ZNRF1: variants seen among roughly 807,000 people sequenced by gnomAD.
ZNRF1 encodes zinc and ring finger 1.
In ZNRF1, 3 loss-of-function variants were observed where a neutral mutation model predicts 18.4. The ratio of observed to expected loss-of-function variants is 0.16; its 90% CI spans 0.07 to 0.42. The LOEUF is 0.42. Among genes scored for constraint, ZNRF1 ranks in the 10% least tolerant of loss-of-function variants. ZNRF1 has a pLI of 0.99. For missense variants in ZNRF1, 310 were observed against 329.8 expected (o/e 0.94, Z 0.47); for synonymous variants, 157 against 144.2 (o/e 1.09, Z -0.64).
At chr16:75,085,705 G>A (rs1041701884) in intron 1 of ZNRF1, among the ~76,000 whole-genome samples, 3 of 151,844 alleles carry the variant, frequency 2.0e-5, no homozygotes, top group Non-Finnish European at 4.4e-5. Context: ...AACATCTGGT[G>A]TTGCTAGTCC....
At chr16:75,044,723 G>A (rs1318604993) in intron 1 of ZNRF1, among the ~76,000 whole-genome samples, 1 of 152,176 alleles carries the variant, frequency 6.6e-6, no homozygotes, top group Non-Finnish European at 1.5e-5. Flanking sequence ...TCACAAGGCA[G>A]TATGGCCATA....
At chr16:75,091,358 CA>C (rs71158576) in intron 1 of ZNRF1, among the ~76,000 whole-genome samples, 18 of 133,340 alleles carry the variant, frequency 1.3e-4, no homozygotes, top group Middle Eastern at 3.5e-3. Context: ...GACTCCATCT[CA>C]AAAAAAAAAA....
rs1414255885 is a variant in ZNRF1, at chr16:75,110,956, G to C, written c.*3256G>C. The C allele has an allele frequency of 2.0e-5, 3 of 152,336 alleles. No individual in the cohort carries two copies. The highest frequency in any genetic ancestry group is 4.4e-5 in the Non-Finnish European group (3 of 68,152). 9.4% of individuals were successfully genotyped at this position (152,336 alleles called of 1,614,324 possible). On this transcript the variant is annotated 3_prime_UTR_variant, in exon 5 of 5. Transcript: ENST00000335325. ...TTGGCACGGTCTCTGCTCCCCACCA[G>C]GGCAGCACGGGACAGAAACGTCACG...
chr16:75,103,779 G>T (rs1224278019), intron 2 of ZNRF1, among the ~76,000 whole-genome samples: 1 of 152,236 alleles, frequency 6.6e-6, no homozygotes, highest in East Asian at 1.9e-4. Context: ...GAGGTCAGGA[G>T]TTCGAGACCA....
At chr16:75,053,842 G>T (rs2055131858) in intron 1 of ZNRF1, among the ~76,000 whole-genome samples, 1 of 152,198 alleles carries the variant, frequency 6.6e-6, no homozygotes, top group South Asian at 2.1e-4. Flanking sequence ...AGCCTTTAGG[G>T]TATTCCCAGG....
At chr16:75,010,465 A>G (rs2034980350) in intron 1 of ZNRF1, among the ~76,000 whole-genome samples, 1 of 152,198 alleles carries the variant, frequency 6.6e-6, no homozygotes, top group Non-Finnish European at 1.5e-5. Flanking sequence ...TCTCATGCCA[A>G]GAGATTTTAT....
At chr16:75,057,418 A>G (rs1469871462) in intron 1 of ZNRF1, among the ~76,000 whole-genome samples, 1 of 152,152 alleles carries the variant, frequency 6.6e-6, no homozygotes, top group Non-Finnish European at 1.5e-5. Flanking sequence ...AGATTAAGAA[A>G]AGCTCCTTAA....
intron 1 of ZNRF1, among the ~76,000 whole-genome samples, chr16:75,075,968 G>A (rs1168092149): frequency 1.3e-5 from 2 of 152,206 alleles, no homozygotes; most frequent in Non-Finnish European, 2.9e-5. Flanking sequence ...GTTGTGTGAG[G>A]TAGAGAATAG....
intron 1 of ZNRF1, among the ~76,000 whole-genome samples, chr16:75,027,471 CT>C (rs900905975): frequency 6.6e-6 from 1 of 152,146 alleles, no homozygotes; most frequent in South Asian, 2.1e-4. Context: ...GAGTTGCCCC[CT>C]GTGACTCCAT....
intron 1 of ZNRF1, among the ~76,000 whole-genome samples, chr16:75,025,721 G>A (rs1445310181): frequency 6.6e-6 from 1 of 152,178 alleles, no homozygotes; most frequent in African/African-American, 2.4e-5. Context: ...CTGTTCTGAA[G>A]AATCTGAATG....
chr16:75,005,422 T>C (rs1317373695), intron 1 of ZNRF1, among the ~76,000 whole-genome samples: 1 of 152,220 alleles, frequency 6.6e-6, no homozygotes, highest in Non-Finnish European at 1.5e-5. Flanking sequence ...CCTCAATATA[T>C]CATGTCACAA....
chr16:75,018,170 C>T (rs1049744913), intron 1 of ZNRF1, among the ~76,000 whole-genome samples: 1 of 152,214 alleles, frequency 6.6e-6, no homozygotes, highest in Non-Finnish European at 1.5e-5. Flanking sequence ...TATTTAATGT[C>T]ACTGGATAAA....
At chr16:75,067,388 TAAG>T (rs1401642233) in intron 1 of ZNRF1, among the ~76,000 whole-genome samples, 1 of 152,220 alleles carries the variant, frequency 6.6e-6, no homozygotes, top group African/African-American at 2.4e-5. Flanking sequence ...TATCACTTTG[TAAG>T]AAGGTCATGT....
intron 2 of ZNRF1, among the ~76,000 whole-genome samples, chr16:75,094,240 T>C (rs1176457340): frequency 5.3e-5 from 8 of 152,200 alleles, no homozygotes; most frequent in African/African-American, 1.2e-4. Flanking sequence ...GGATTGAAAA[T>C]GCGGATAGGA....
chr16:75,035,536 A>C (rs182914943), intron 1 of ZNRF1, among the ~76,000 whole-genome samples: 1 of 152,314 alleles, frequency 6.6e-6, no homozygotes, highest in East Asian at 1.9e-4. Flanking sequence ...GAGAGACTGA[A>C]GCAAATTTTA....
At chr16:75,041,820 TAA>T (rs1046229264) in intron 1 of ZNRF1, among the ~76,000 whole-genome samples, 9 of 146,100 alleles carry the variant, frequency 6.2e-5, no homozygotes, top group Non-Finnish European at 7.5e-5. Context: ...CCATCTCTAC[TAA>T]AAAAAAAAAT....
At chr16:75,010,710 TG>T (rs770163763) in intron 1 of ZNRF1, among the ~76,000 whole-genome samples, 2,311 of 44,844 alleles carry the variant, frequency 0.052, 78 homozygotes, top group Non-Finnish European at 0.13. Flanking sequence ...TGTTTTTTTT[TG>T]TTTTTTTGTT....
intron 1 of ZNRF1, among the ~76,000 whole-genome samples, chr16:75,040,147 G>A (rs1452575407): frequency 6.8e-6 from 1 of 147,086 alleles, no homozygotes; most frequent in African/African-American, 2.5e-5. Context: ...TAGGCTCAAG[G>A]GATCCTCCTT....
intron 1 of ZNRF1, among the ~76,000 whole-genome samples, chr16:75,036,107 C>A (rs2035372947): frequency 6.6e-6 from 1 of 152,132 alleles, no homozygotes; most frequent in African/African-American, 2.4e-5. Context: ...CTCCTCTGCT[C>A]ATGTTTTACT....
Sources: allele counts gnomAD v4.1 joint callset (sites outside exome capture counted in the v4.1 genomes callset), GRCh38; gene constraint gnomAD v4.1.1; transcripts MANE v1.5; gene names NCBI Gene and HGNC (gene_info 2026-07-23, HGNC 2026-07-21).